Variants in PDCD4 observed in about 807,000 individuals in gnomAD.
PDCD4 encodes programmed cell death protein 4.
Under a neutral mutation model 54.0 loss-of-function variants are expected in PDCD4, and 56 were observed. That is an observed-to-expected ratio of 1.04 (90% CI 0.84 to 1.30). The LOEUF (loss-of-function observed/expected upper bound fraction) is 1.30. PDCD4 is among the 50% of genes most tolerant of loss of function. The pLI is 0.00. For synonymous variants in PDCD4, 186 were observed against 194.8 expected (o/e 0.95, Z 0.37); for missense variants, 584 against 559.8 (o/e 1.04, Z -0.44).
chr10:110,891,044 T>G (rs967539387), intron 8 of PDCD4, among the ~76,000 whole-genome samples: 4 of 152,202 alleles, frequency 2.6e-5, no homozygotes, highest in African/African-American at 9.6e-5. Context: ...CTAGATAGTC[T>G]TAAATAATGA....
rs577882072 is a variant in PDCD4, at chr10:110,898,202, C to A, written c.*114C>A. ...TTAAGCACTTGTTTTGGGTACAAGG[C>A]ATTTCTGACATTTTATAAACCTACA... On this transcript the variant is annotated 3_prime_UTR_variant, in exon 12 of 12. Transcript: ENST00000280154. 4.2e-5 allele frequency: 19 copies of A among 457,522 alleles called. No individual in the cohort carries two copies. Among genetic ancestry groups the A allele is most frequent in the African/African-American group, 2.3e-4 (11 of 46,964 alleles). 28.3% of individuals were successfully genotyped at this position (457,522 alleles called of 1,614,324 possible). A position where few individuals can be genotyped will look rare whatever the true frequency, so the allele number is the denominator to read the frequency against.
rs1435234795 is a variant in PDCD4 at position 110,896,031 on chromosome 10, A to G, written c.1293A>G (p.Glu431=). The G allele has an allele frequency of 3.1e-6, 5 of 1,611,348 alleles. No individual in the cohort carries two copies. Among genetic ancestry groups the G allele is most frequent in the Admixed American group, 1.7e-5 (1 of 59,784 alleles). ...HSYSVLERFV[E]ECFQAGIISK... ...ACTCTGTGCTGGAGCGGTTTGTAGA[A>G]GAATGTTTTCAGGCTGGAATAATTT... The change falls in exon 11 of 12, where the codon GAA becomes GAG. Residue 431 remains glutamate (E), a synonymous_variant. Transcript: ENST00000280154.
intron 3 of PDCD4, among the ~76,000 whole-genome samples, chr10:110,882,627 A>T (rs2025280): frequency 1.3e-5 from 2 of 152,272 alleles, no homozygotes; most frequent in African/African-American, 4.8e-5. Flanking sequence ...TTCTATGCTA[A>T]GCTTTACCGG....
At chr10:110,879,303 G>A (rs1845554972) in intron 2 of PDCD4, among the ~76,000 whole-genome samples, 1 of 150,036 alleles carries the variant, frequency 6.7e-6, no homozygotes, top group East Asian at 2.2e-4. Flanking sequence ...GAGTGTGGGA[G>A]TAGTTAGCAG....
At position 110,875,997 on chromosome 10, in the gene PDCD4, G is replaced by A. The variant is rs765451797; in HGVS notation, c.-31G>A. ...AAGGAAGATTTCCATTAGGTAATTT[G>A]TTTAATCAGTGCAAGCGAAATTAAG... On this transcript the variant is annotated 5_prime_UTR_variant, in exon 2 of 12. Transcript: ENST00000280154. The A allele has an allele frequency of 1.2e-5, 19 of 1,545,436 alleles. No homozygotes were observed. The highest frequency in any genetic ancestry group is 3.8e-5 in the Admixed American group (2 of 52,824).
intron 2 of PDCD4, among the ~76,000 whole-genome samples, chr10:110,877,817 C>T (rs992398691): frequency 2.6e-5 from 4 of 152,120 alleles, no homozygotes; most frequent in African/African-American, 9.7e-5. Context: ...GTTATTCTGA[C>T]CTTCAGTTTT....
At position 110,890,562 on chromosome 10, in the gene PDCD4, T is replaced by C; in HGVS notation, c.882T>C (p.Ala294=). Residue 294 remains alanine, a synonymous_variant, in exon 8 of 12, where the codon GCT becomes GCC. Transcript: ENST00000280154. ...GTVDCVQARA[A]LDKATVLLSM... ...TTTTTTTCTTTCTCTGTAGAGCTGC[T>C]CTGGATAAGGCTACCGTGCTTCTGA... is the stretch of plus-strand genomic sequence containing the variant. The C allele has an allele frequency of 6.2e-7, 1 of 1,605,912 alleles. No homozygotes were observed. The highest frequency in any genetic ancestry group is 8.5e-7 in the Non-Finnish European group (1 of 1,174,302).
chr10:110,894,856 G>T (rs1845808004), intron 10 of PDCD4, among the ~76,000 whole-genome samples: 1 of 150,926 alleles, frequency 6.6e-6, no homozygotes, highest in Non-Finnish European at 1.5e-5. Flanking sequence ...AAATTATAAA[G>T]TACTTTTTTC....
In PDCD4 at chr10:110,881,157, C is replaced by G; in HGVS notation, c.44-76C>G. ...GTAATGTCATGTGATTCAACCTAATCTAACTTACCACTATATCTATAAAAC... is the reference window on the plus strand; with the variant it reads ...GTAATGTCATGTGATTCAACCTAATGTAACTTACCACTATATCTATAAAAC... On this transcript the variant is annotated intron_variant, in intron 2 of 11. Coordinates refer to ENST00000280154, the MANE Select transcript of PDCD4 (RefSeq NM_014456.5). 6.4e-6 allele frequency: 7 copies of G among 1,093,834 alleles called. 1 individual carries two copies. The South Asian group carries it at 1.1e-4, about 17-fold the overall frequency. The allele number at this position is 1,093,834 out of a possible 1,614,324, so 67.8% of individuals were successfully genotyped here.
intron 1 of PDCD4, among the ~76,000 whole-genome samples, chr10:110,874,831 A>G (rs906974523): frequency 7.9e-5 from 12 of 152,164 alleles, no homozygotes; most frequent in Non-Finnish European, 1.3e-4. Flanking sequence ...TTTGAGTCCC[A>G]GGAGGCTCTG....
At chr10:110,880,433 T>G (rs1845573197) in intron 2 of PDCD4, 1 of 152,222 alleles carries the variant, frequency 6.6e-6, no homozygotes, top group African/African-American at 2.4e-5. Flanking sequence ...CTCCAGTATG[T>G]TGATCTCTTT....
chr10:110,897,993 A>G, intron 11 of PDCD4, 35 bp from the exon 12 acceptor site: 1 of 1,477,396 alleles, frequency 6.8e-7, no homozygotes, highest in Non-Finnish European at 9.2e-7. Context: ...CAGAATTTGT[A>G]TCTGTTTTCA....
At chr10:110,881,168 C>A in intron 2 of PDCD4, 65 bp from the exon 3 acceptor site, 2 of 1,194,718 alleles carry the variant, frequency 1.7e-6, no homozygotes, top group Non-Finnish European at 2.4e-6. Context: ...TAACTTACCA[C>A]TATATCTATA....
At chr10:110,891,511 A>G (rs565927642) in intron 8 of PDCD4, among the ~76,000 whole-genome samples, 88 of 152,052 alleles carry the variant, frequency 5.8e-4, no homozygotes, top group African/African-American at 2.0e-3. Context: ...ATAACAAGAA[A>G]CCAAAAAACA....
intron 8 of PDCD4, among the ~76,000 whole-genome samples, chr10:110,892,377 C>A (rs994124305): frequency 6.6e-6 from 1 of 152,130 alleles, no homozygotes; most frequent in African/African-American, 2.4e-5. Flanking sequence ...GGAAATAAAA[C>A]TGCCAGTATA....
chr10:110,883,269 G>A (rs1284692527), intron 4 of PDCD4, among the ~76,000 whole-genome samples, 172 bp downstream of exon 4: 1 of 152,120 alleles, frequency 6.6e-6, no homozygotes, highest in African/African-American at 2.4e-5. Flanking sequence ...TCTGTAGTGA[G>A]TCAAAAATAG....
At chr10:110,882,229 G>T (rs1845602946) in intron 3 of PDCD4, among the ~76,000 whole-genome samples, 2 of 152,156 alleles carry the variant, frequency 1.3e-5, no homozygotes, top group African/African-American at 4.8e-5. Flanking sequence ...AAACCTGGTT[G>T]TCAGATTCTG....
chr10:110,891,670 G>A (rs903203381), intron 8 of PDCD4, among the ~76,000 whole-genome samples: 6 of 152,064 alleles, frequency 3.9e-5, no homozygotes, highest in Non-Finnish European at 8.8e-5. Flanking sequence ...GTGTGTGTGT[G>A]TTTGTGTATG....
chr10:110,874,481 A>G (rs2135185393), intron 1 of PDCD4, among the ~76,000 whole-genome samples: 1 of 152,158 alleles, frequency 6.6e-6, no homozygotes, highest in Admixed American at 6.5e-5. Context: ...TTTGCAAACC[A>G]TTTTTGTTCA....
Sources: allele counts gnomAD v4.1 joint callset (sites outside exome capture counted in the v4.1 genomes callset), GRCh38; gene constraint gnomAD v4.1.1; transcripts MANE v1.5; gene names NCBI Gene and HGNC (gene_info 2026-07-23, HGNC 2026-07-21).